Variants in C8orf89 observed in about 807,000 individuals in gnomAD.
C8orf89 encodes putative uncharacterized protein C8orf89.
A neutral mutation model predicts 15.8 loss-of-function variants in C8orf89; 14 were observed. The ratio of observed to expected loss-of-function variants is 0.89; its 90% CI spans 0.59 to 1.39. The LOEUF is 1.39. Ranked by LOEUF, C8orf89 falls within the 40% of genes most tolerant of loss-of-function variation. The probability of loss-of-function intolerance (pLI) is 0.00; values close to 1 mark genes in which losing one functional copy is unlikely to be tolerated. For synonymous variants in C8orf89, 55 were observed against 62.2 expected (o/e 0.88, Z 0.54); for missense variants, 181 against 184.5 (o/e 0.98, Z 0.11).
chr8:73,246,503 T>C (rs1813126840), intron 3 of C8orf89, among the ~76,000 whole-genome samples: 1 of 152,138 alleles, frequency 6.6e-6, no homozygotes, highest in South Asian at 2.1e-4. Context: ...CTCAGCTCCC[T>C]GAGTAGCTGA....
the C8orf89 span, among the ~76,000 whole-genome samples, chr8:73,269,431 C>G: frequency 0.022 from 3,359 of 152,316 alleles, 117 homozygotes; most frequent in African/African-American, 0.076. Flanking sequence ...ACAATAGTCT[C>G]TGCTCTAATA....
chr8:73,274,188 C>G, the C8orf89 span, among the ~76,000 whole-genome samples: 4 of 152,068 alleles, frequency 2.6e-5, no homozygotes, highest in African/African-American at 9.6e-5. Context: ...GAATCTTGCT[C>G]TGTCGCCCAG....
intron 1 of C8orf89, among the ~76,000 whole-genome samples, chr8:73,258,739 T>C (rs2910014): frequency 0.34 from 51,530 of 151,394 alleles, 12,116 homozygotes; most frequent in African/African-American, 0.68. Context: ...AGGTGATCCT[T>C]CTACCCTCAG....
chr8:73,256,660 G>A (rs573560430), intron 2 of C8orf89, among the ~76,000 whole-genome samples: 22 of 147,438 alleles, frequency 1.5e-4, no homozygotes, highest in Admixed American at 6.2e-4. Flanking sequence ...TCCGGGAGGC[G>A]GAGGTTGCAG....
upstream of C8orf89, among the ~76,000 whole-genome samples, chr8:73,260,710 G>A (rs1005553377): frequency 6.6e-6 from 1 of 152,154 alleles, no homozygotes; most frequent in Non-Finnish European, 1.5e-5. Context: ...GCAGAAGGAG[G>A]AGGATATGGC....
At chr8:73,259,729 A>C (rs1164970564), upstream of C8orf89, among the ~76,000 whole-genome samples, 1 of 151,986 alleles carries the variant, frequency 6.6e-6, no homozygotes, top group Non-Finnish European at 1.5e-5. Context: ...TATAAAATGC[A>C]TTTGTGCCTA....
At chr8:73,270,611 A>C in the C8orf89 span, among the ~76,000 whole-genome samples, 1 of 152,178 alleles carries the variant, frequency 6.6e-6, no homozygotes, top group African/African-American at 2.4e-5. Flanking sequence ...GCTCTAACAA[A>C]ATTTAAAAAA....
At chr8:73,277,312 G>T in the C8orf89 span, 1 of 635,200 alleles carries the variant, frequency 1.6e-6, no homozygotes, top group South Asian at 2.3e-5. Context: ...TCCAATGAAC[G>T]CAGATGAATG....
Position 73,256,190 on chromosome 8 carries a change from G to A in C8orf89, c.281+783C>T, listed in dbSNP as rs962351081. Among the ~76,000 whole-genome samples, 6 of 151,518 alleles carry A rather than the reference G, an allele frequency of 4.0e-5. 1 individual carries two copies. In the South Asian group the frequency reaches 6.2e-4, roughly 16 times the overall value. On this transcript the variant is annotated intron_variant, in intron 2 of 3. Transcript: ENST00000624510. ...TCAAATGTCAGTATTCAAGGTCAGG[G>A]AGACTTTTCTGGCTGAAAAATTCAT...
At position 73,257,044 on chromosome 8, in the gene C8orf89, T is replaced by C; in HGVS notation, c.210A>G (p.Lys70=). 1 of 1,535,906 alleles carries C rather than the reference T, an allele frequency of 6.5e-7. No homozygotes were observed. Among genetic ancestry groups the C allele is most frequent in the Non-Finnish European group, 8.7e-7 (1 of 1,146,778 alleles). The change falls in exon 2 of 4, where the codon AAA becomes AAG. Residue 70 remains lysine, a synonymous_variant. Coordinates refer to ENST00000624510, the MANE Select transcript of C8orf89 (RefSeq NM_001243237.3). ...PYLPGLQSCQ[K]SVSSTPLEVP... is the part of the protein sequence containing the mutation. ...CCTCTAGTGGAGTTGAACTTACACTTTTTTGGCAACTTTGCAGTCCTGGTA... is the reference window on the plus strand; with the variant it reads ...CCTCTAGTGGAGTTGAACTTACACTCTTTTGGCAACTTTGCAGTCCTGGTA...
chr8:73,284,263 G>A, the C8orf89 span, among the ~76,000 whole-genome samples: 2 of 132,136 alleles, frequency 1.5e-5, no homozygotes, highest in African/African-American at 2.9e-5. Flanking sequence ...ACTCAGGCTG[G>A]TGTGCAGTGG....
intron 2 of C8orf89, among the ~76,000 whole-genome samples, chr8:73,255,987 T>A (rs2605891): frequency 0.22 from 32,632 of 145,822 alleles, 4,525 homozygotes; most frequent in African/African-American, 0.39. Flanking sequence ...GAGGGATAGC[T>A]TTAGGAGATA....
At chr8:73,272,626 C>T in the C8orf89 span, among the ~76,000 whole-genome samples, 1 of 151,742 alleles carries the variant, frequency 6.6e-6, no homozygotes, top group South Asian at 2.1e-4. Flanking sequence ...CATGATAGGC[C>T]CCGGTGTGTG....
the C8orf89 span, among the ~76,000 whole-genome samples, chr8:73,285,691 A>G: frequency 6.6e-6 from 1 of 152,198 alleles, no homozygotes. Flanking sequence ...CTCCGGCAGC[A>G]GGGGTGGCTG....
chr8:73,241,923 G>T (rs143892382), intron 3 of C8orf89, among the ~76,000 whole-genome samples: 30 of 152,076 alleles, frequency 2.0e-4, no homozygotes, highest in African/African-American at 6.5e-4. Context: ...GGGTATTATG[G>T]ATATTATAAA....
chr8:73,241,855 G>A (rs528907555), intron 3 of C8orf89, among the ~76,000 whole-genome samples: 14 of 152,146 alleles, frequency 9.2e-5, no homozygotes, highest in African/African-American at 3.4e-4. Flanking sequence ...TAACAAAAGT[G>A]CCAAGAATAT....
At chr8:73,277,428 GTTTAC>G in the C8orf89 span, 1 of 1,172,654 alleles carries the variant, frequency 8.5e-7, no homozygotes, top group South Asian at 1.4e-5. Context: ...GACAAAGTAG[GTTTAC>G]TTTGTCTCCA....
the C8orf89 span, among the ~76,000 whole-genome samples, chr8:73,281,065 G>T: frequency 6.6e-6 from 1 of 152,012 alleles, no homozygotes; most frequent in Non-Finnish European, 1.5e-5. Flanking sequence ...TAATATACAT[G>T]TCCTTATAAT....
At chr8:73,265,328 A>C in the C8orf89 span, among the ~76,000 whole-genome samples, 1 of 152,330 alleles carries the variant, frequency 6.6e-6, no homozygotes, top group South Asian at 2.1e-4. Context: ...GGGCTTTATA[A>C]GTCATAACAG....
Sources: gnomAD v4.1 joint callset for allele counts (sites outside exome capture counted in the v4.1 genomes callset) on GRCh38, gnomAD v4.1.1 for gene constraint, MANE v1.5 for transcripts, NCBI Gene and HGNC (gene_info 2026-07-23, HGNC 2026-07-21) for gene names.